CCSER1: variants seen among roughly 807,000 people sequenced by gnomAD.
CCSER1 encodes the protein coiled-coil serine rich protein 1, also known as serine-rich coiled-coil domain-containing protein 1.
Under a neutral mutation model 82.0 loss-of-function variants are expected in CCSER1, and 41 were observed. The observed-to-expected ratio is 0.50, with a 90% confidence interval of 0.39 to 0.65. The LOEUF is 0.65. Among genes scored for constraint, CCSER1 ranks in the 30% least tolerant of loss-of-function variants. The pLI is 0.00. For synonymous variants in CCSER1, 414 were observed against 383.9 expected (o/e 1.08, Z -0.92); for missense variants, 1,119 against 1,064.2 (o/e 1.05, Z -0.72).
At chr4:91,294,917 T>C (rs1303188521) in intron 10 of CCSER1, among the ~76,000 whole-genome samples, 3 of 151,820 alleles carry the variant, frequency 2.0e-5, no homozygotes, top group Non-Finnish European at 4.4e-5. Flanking sequence ...AATGCCAGAG[T>C]CAGAATTCAA....
chr4:90,160,631 T>A lies in CCSER1; in HGVS notation c.-42+32800T>A, dbSNP rs191968133. 2.2e-4 allele frequency among the ~76,000 whole-genome samples: 33 copies of A among 152,278 alleles called. No individual in the cohort carries two copies. In the East Asian group the frequency reaches 6.0e-3, roughly 28 times the overall value. ...TTGTAGAAGGCACAGGAAATAGGGC[T>A]CATGAATAGATGCTATTTATATTTG... On this transcript the variant is annotated intron_variant, in intron 1 of 10. Coordinates refer to ENST00000509176, the MANE Select transcript of CCSER1 (RefSeq NM_001145065.2).
chr4:90,724,501 T>TA, intron 7 of CCSER1: 1 of 177,986 alleles, frequency 5.6e-6, no homozygotes, highest in African/African-American at 2.4e-5. Context: ...GTATGTGGTA[T>TA]GACTGGTGGC....
At chr4:90,893,709 A>G (rs1723268228) in intron 8 of CCSER1, among the ~76,000 whole-genome samples, 1 of 151,820 alleles carries the variant, frequency 6.6e-6, no homozygotes, top group East Asian at 1.9e-4. Context: ...ACAAATATTA[A>G]CCAGCAATCC....
intron 1 of CCSER1, among the ~76,000 whole-genome samples, chr4:90,267,242 A>C (rs930537666): frequency 6.6e-6 from 1 of 151,980 alleles, no homozygotes; most frequent in Non-Finnish European, 1.5e-5. Flanking sequence ...TAGTGGACAC[A>C]GGGAGAATCT....
At chr4:90,788,293 C>T (rs1469411096) in intron 7 of CCSER1, among the ~76,000 whole-genome samples, 1 of 152,014 alleles carries the variant, frequency 6.6e-6, no homozygotes, top group Non-Finnish European at 1.5e-5. Context: ...AAAGTGTAGC[C>T]ATTGAAAATT....
intron 10 of CCSER1, among the ~76,000 whole-genome samples, chr4:91,444,537 C>G (rs538775958): frequency 1.3e-5 from 2 of 151,998 alleles, no homozygotes; most frequent in Non-Finnish European, 1.5e-5. Flanking sequence ...GCAACTTCCA[C>G]CTCCTGGGTT....
At chr4:90,275,335 A>G (rs972840789) in intron 1 of CCSER1, among the ~76,000 whole-genome samples, 3 of 152,150 alleles carry the variant, frequency 2.0e-5, no homozygotes, top group Non-Finnish European at 4.4e-5. Flanking sequence ...CACGTATCTT[A>G]TGATTAGTTT....
chr4:91,392,783 C>T (rs1163561847), intron 10 of CCSER1, among the ~76,000 whole-genome samples: 5 of 151,930 alleles, frequency 3.3e-5, no homozygotes, highest in Admixed American at 3.3e-4. Context: ...TTGATTTATT[C>T]CAAAAGTCAC....
chr4:91,205,608 T>C (rs1443027021), intron 10 of CCSER1, among the ~76,000 whole-genome samples: 1 of 151,520 alleles, frequency 6.6e-6, no homozygotes, highest in Non-Finnish European at 1.5e-5. Context: ...GACTGCTTTC[T>C]TTTCCTTCCT....
intron 3 of CCSER1, among the ~76,000 whole-genome samples, chr4:90,356,467 T>C (rs1323861619): frequency 1.3e-5 from 2 of 151,692 alleles, no homozygotes; most frequent in Non-Finnish European, 3.0e-5. Flanking sequence ...GTGTCTTGAA[T>C]AACAACTAGT....
intron 4 of CCSER1, among the ~76,000 whole-genome samples, chr4:90,410,309 C>A (rs527776373): frequency 6.6e-6 from 1 of 152,180 alleles, no homozygotes; most frequent in Admixed American, 6.5e-5. Context: ...ACTCTCCACC[C>A]CAAATCAACA....
intron 9 of CCSER1, among the ~76,000 whole-genome samples, chr4:91,051,765 A>T (rs1287382680): frequency 1.3e-5 from 2 of 152,156 alleles, no homozygotes; most frequent in Non-Finnish European, 2.9e-5. Context: ...TGCTTGATTC[A>T]TTCTATATCA....
At chr4:90,592,123 G>C (rs1002341610) in intron 5 of CCSER1, among the ~76,000 whole-genome samples, 2 of 152,000 alleles carry the variant, frequency 1.3e-5, no homozygotes, top group African/African-American at 2.4e-5. Context: ...ATAGGTGCAG[G>C]AAACCACCAT....
At chr4:90,760,781 G>A (rs1456986838) in intron 7 of CCSER1, among the ~76,000 whole-genome samples, 1 of 152,036 alleles carries the variant, frequency 6.6e-6, no homozygotes, top group African/African-American at 2.4e-5. Flanking sequence ...TCTCACTTAT[G>A]AGTTAGTTTG....
intron 10 of CCSER1, among the ~76,000 whole-genome samples, chr4:91,309,838 G>T (rs1249470910): frequency 6.6e-6 from 1 of 151,900 alleles, no homozygotes; most frequent in African/African-American, 2.4e-5. Context: ...TAGTGTATTA[G>T]TTTCCCAGGC....
chr4:90,583,086 A>G (rs1781591386), intron 5 of CCSER1, among the ~76,000 whole-genome samples: 3 of 152,184 alleles, frequency 2.0e-5, no homozygotes, highest in Admixed American at 2.0e-4. Flanking sequence ...AATTAACCAC[A>G]CCTACTACAC....
intron 10 of CCSER1, among the ~76,000 whole-genome samples, chr4:91,328,285 G>A (rs1746704617): frequency 6.6e-6 from 1 of 152,166 alleles, no homozygotes; most frequent in African/African-American, 2.4e-5. Context: ...AGGCTGTACA[G>A]GAAAGCTGTC....
intron 10 of CCSER1, among the ~76,000 whole-genome samples, chr4:91,564,522 G>C (rs1052277203): frequency 6.6e-6 from 1 of 151,960 alleles, no homozygotes. Flanking sequence ...CAGTGTATAA[G>C]GGTTCCTTTT....
intron 10 of CCSER1, among the ~76,000 whole-genome samples, chr4:91,153,039 T>C (rs1288504574): frequency 6.6e-6 from 1 of 151,980 alleles, no homozygotes; most frequent in Non-Finnish European, 1.5e-5. Context: ...CTGTATTTCC[T>C]GAATTTGAAT....
Sources: allele counts gnomAD v4.1 joint callset (sites outside exome capture counted in the v4.1 genomes callset), GRCh38; gene constraint gnomAD v4.1.1; transcripts MANE v1.5; gene names NCBI Gene and HGNC (gene_info 2026-07-23, HGNC 2026-07-21).